Variants in PANK1 observed in about 807,000 individuals in gnomAD.
The protein encoded by PANK1 is pantothenate kinase 1.
Under a neutral mutation model 40.1 loss-of-function variants are expected in PANK1, and 18 were observed. The ratio of observed to expected loss-of-function variants is 0.45; its 90% CI spans 0.31 to 0.67. PANK1 has a LOEUF of 0.67. Ranked by LOEUF, PANK1 falls within the 30% of genes least tolerant of loss-of-function variation. The pLI is 0.06. For missense variants in PANK1, 457 were observed against 599.6 expected (o/e 0.76, Z 2.48); for synonymous variants, 242 against 237.7 (o/e 1.02, Z -0.17).
chr10:89,597,111 A>C (rs1362913399), intron 3 of PANK1, among the ~76,000 whole-genome samples: 1 of 152,216 alleles, frequency 6.6e-6, no homozygotes, highest in Non-Finnish European at 1.5e-5. Context: ...GGTATAATAC[A>C]ATAAGAAAAA....
chr10:89,638,623 C>T (rs1006465609), intron 1 of PANK1, among the ~76,000 whole-genome samples: 2 of 152,088 alleles, frequency 1.3e-5, no homozygotes, highest in Non-Finnish European at 2.9e-5. Flanking sequence ...AAATTTCTTC[C>T]ATCAAATATC....
chr10:89,615,264 A>G (rs1269712799), intron 1 of PANK1, among the ~76,000 whole-genome samples: 1 of 152,268 alleles, frequency 6.6e-6, no homozygotes, highest in Non-Finnish European at 1.5e-5. Flanking sequence ...CCAGAAATGC[A>G]GAATTCACCC....
chr10:89,623,027 C>T (rs963660567), intron 1 of PANK1, among the ~76,000 whole-genome samples: 6 of 151,916 alleles, frequency 3.9e-5, no homozygotes, highest in African/African-American at 1.5e-4. Context: ...CATTATCTAT[C>T]GTTAGGTGAA....
intron 5 of PANK1, among the ~76,000 whole-genome samples, chr10:89,589,729 G>A (rs1400318606): frequency 3.3e-5 from 5 of 151,952 alleles, no homozygotes; most frequent in Admixed American, 1.3e-4. Flanking sequence ...AAAATTTTCC[G>A]TGGGTGGAGG....
intron 1 of PANK1, among the ~76,000 whole-genome samples, chr10:89,616,116 A>C (rs977385007): frequency 2.6e-5 from 4 of 152,242 alleles, no homozygotes; most frequent in Non-Finnish European, 5.9e-5. Flanking sequence ...TCAACAACGT[A>C]CAGCAGGAAA....
At chr10:89,617,242 C>T (rs544393350) in intron 1 of PANK1, among the ~76,000 whole-genome samples, 1 of 152,178 alleles carries the variant, frequency 6.6e-6, no homozygotes, top group South Asian at 2.1e-4. Context: ...TGCTGCTGCA[C>T]AACAACAAAA....
chr10:89,611,575 G>A (rs1410111463), intron 2 of PANK1, 121 bp downstream of exon 2: 1 of 682,874 alleles, frequency 1.5e-6, no homozygotes, highest in African/African-American at 1.8e-5. Flanking sequence ...CTGAGGCACA[G>A]AGCGGTGACA....
intron 1 of PANK1, 87 bp downstream of exon 1, chr10:89,644,513 T>G (rs1054367902): frequency 8.2e-7 from 1 of 1,223,550 alleles, no homozygotes. Context: ...CGGGGCGTGC[T>G]GCGGCGCCTG....
At chr10:89,609,189 T>C (rs1201746409) in intron 2 of PANK1, among the ~76,000 whole-genome samples, 1 of 152,182 alleles carries the variant, frequency 6.6e-6, no homozygotes, top group Non-Finnish European at 1.5e-5. Flanking sequence ...CTCAGCCTCC[T>C]GAGTAGCTGG....
chr10:89,591,587 G>C (rs1844388760), intron 5 of PANK1, among the ~76,000 whole-genome samples: 1 of 152,224 alleles, frequency 6.6e-6, no homozygotes, highest in South Asian at 2.1e-4. Context: ...AACACTGCCA[G>C]TCACTGGTGC....
intron 1 of PANK1, 62 bp downstream of exon 1, chr10:89,644,538 A>G (rs1842057157): frequency 6.9e-6 from 10 of 1,459,374 alleles, no homozygotes; most frequent in African/African-American, 1.5e-5. Context: ...AGCCGCTCCC[A>G]GTCCCGGGCC....
chr10:89,620,296 T>A (rs1057087334), intron 1 of PANK1, among the ~76,000 whole-genome samples: 4 of 152,234 alleles, frequency 2.6e-5, no homozygotes, highest in Non-Finnish European at 5.9e-5. Context: ...AACAGAGTCA[T>A]ATTTCTCTTC....
At chr10:89,597,496 A>G (rs76793976) in intron 3 of PANK1, among the ~76,000 whole-genome samples, 11,480 of 152,290 alleles carry the variant, frequency 0.075, 556 homozygotes, top group Admixed American at 0.11. Flanking sequence ...TGACTGGAGA[A>G]TACTGGACAT....
At chr10:89,631,973 TGTG>T (rs758299255) in intron 1 of PANK1, among the ~76,000 whole-genome samples, 6 of 81,874 alleles carry the variant, frequency 7.3e-5, no homozygotes, top group East Asian at 7.9e-4. Context: ...TGTGTGTGTG[TGTG>T]TTTTTTTTTT....
chr10:89,600,425 G>A (rs894753027), intron 2 of PANK1, among the ~76,000 whole-genome samples: 3 of 152,162 alleles, frequency 2.0e-5, no homozygotes, highest in African/African-American at 7.2e-5. Context: ...TTACTTAACT[G>A]AATGATTTCT....
chr10:89,595,833 A>AAATAT (rs1174267106), intron 3 of PANK1, among the ~76,000 whole-genome samples: 2 of 33,778 alleles, frequency 5.9e-5, no homozygotes, highest in Non-Finnish European at 4.8e-5. Context: ...AAAAAAAAAA[A>AAATAT]ATATATATAT....
At chr10:89,580,910 T>G (rs1205976929), downstream of PANK1, 1 of 152,270 alleles carries the variant, frequency 6.6e-6, no homozygotes, top group East Asian at 1.9e-4. Context: ...GGAAAGGCTG[T>G]CTTAGACCAC....
chr10:89,586,942 C>A (rs186497973), intron 6 of PANK1, among the ~76,000 whole-genome samples: 1 of 152,200 alleles, frequency 6.6e-6, no homozygotes, highest in East Asian at 1.9e-4. Context: ...TCCTGGCCAA[C>A]ATGGTGAAAC....
rs752620717 is a variant in PANK1 at position 89,644,862 on chromosome 10, G to C, written c.30C>G (p.Arg10=). 1.5e-5 allele frequency: 22 copies of C among 1,479,156 alleles called. No homozygotes were observed. The highest frequency in any genetic ancestry group is 2.0e-5 in the Non-Finnish European group (22 of 1,121,288). 91.6% of individuals were successfully genotyped at this position (1,479,156 alleles called of 1,614,324 possible). A position where few individuals can be genotyped will look rare whatever the true frequency, so the allele number is the denominator to read the frequency against. MGDRSGQQE[R]SVPHSPGAPV... ...GGGCCCCTGGAGAGTGCGGGACCGAGCGCTCCTGCTGCCCGCTGCGGTCGC... is the reference window on the plus strand; with the variant it reads ...GGGCCCCTGGAGAGTGCGGGACCGACCGCTCCTGCTGCCCGCTGCGGTCGC... Residue 10 remains arginine, a synonymous_variant, in exon 1 of 7, where the codon CGC becomes CGG. Coordinates refer to ENST00000307534, the MANE Select transcript of PANK1 (RefSeq NM_148977.3).
Sources: allele counts gnomAD v4.1 joint callset (sites outside exome capture counted in the v4.1 genomes callset), GRCh38; gene constraint gnomAD v4.1.1; transcripts MANE v1.5; gene names NCBI Gene and HGNC (gene_info 2026-07-23, HGNC 2026-07-21).